CPLANE1: variants seen among roughly 807,000 people sequenced by gnomAD.
CPLANE1 encodes ciliogenesis and planar polarity effector 1.
In CPLANE1, 263 loss-of-function variants were observed where a neutral mutation model predicts 362.5. The observed-to-expected ratio is 0.73, with a 90% CI of 0.66 to 0.80. The LOEUF is 0.80. Ranked by LOEUF, CPLANE1 falls within the 30% of genes least tolerant of loss-of-function variation. The probability of loss-of-function intolerance (pLI) is 0.00; values close to 1 mark genes in which losing one functional copy is unlikely to be tolerated. For missense variants in CPLANE1, 3,461 were observed against 3,793.4 expected (o/e 0.91, Z 2.30); for synonymous variants, 1,212 against 1,302.6 (o/e 0.93, Z 1.50).
At chr5:37,230,836 T>C (rs905176734) in intron 9 of CPLANE1, 31 bp downstream of exon 9, 2 of 1,345,126 alleles carry the variant, frequency 1.5e-6, no homozygotes, top group Non-Finnish European at 1.9e-6. Flanking sequence ...AAAAAATCTA[T>C]AAACAAATTA....
At chr5:37,238,805 C>A in intron 8 of CPLANE1, 52 bp downstream of exon 8, 1 of 995,174 alleles carries the variant, frequency 1.0e-6, no homozygotes, top group African/African-American at 1.7e-5. Context: ...GACAGAGACC[C>A]ATCTCTTTTA....
At chr5:37,220,456 G>T (rs1403626673) in intron 15 of CPLANE1, among the ~76,000 whole-genome samples, 1 of 151,642 alleles carries the variant, frequency 6.6e-6, no homozygotes, top group Non-Finnish European at 1.5e-5. Flanking sequence ...CTTTCCCTCT[G>T]GTTATTGCCT....
Position 37,183,260 on chromosome 5 carries a change from G to A in CPLANE1, c.4921C>T (p.His1641Tyr). Residue 1641 changes from histidine (H) to tyrosine (Y), a missense_variant, in exon 26 of 53, where the codon CAT (histidine) becomes TAT (tyrosine). By Grantham distance (83) the His-to-Tyr change is moderately conservative (BLOSUM62 2). Transcript: ENST00000651892. Reference protein sequence around the residue: ...SSSLNDEYGMHLENQKLSSSV... With the variant: ...SSSLNDEYGMYLENQKLSSSV... ...GATGAAAGTTTCTGGTTTTCTAAAT[G>A]CATGCCATATTCATCATTTAAAGAG... 1 of 1,612,942 alleles carries A rather than the reference G, an allele frequency of 6.2e-7. No homozygotes were observed. Among genetic ancestry groups the A allele is most frequent in the Non-Finnish European group, 8.5e-7 (1 of 1,179,744 alleles).
intron 44 of CPLANE1, chr5:37,140,387 T>C (rs1769304887): frequency 3.0e-6 from 3 of 984,064 alleles, no homozygotes; most frequent in Non-Finnish European, 3.6e-6. Flanking sequence ...TCAAGGATTT[T>C]ATTTTCGTTC....
At chr5:37,122,365 C>T in intron 48 of CPLANE1, 65 bp downstream of exon 48, 1 of 1,202,754 alleles carries the variant, frequency 8.3e-7, no homozygotes, top group Non-Finnish European at 1.2e-6. Flanking sequence ...ATTCCTAAGG[C>T]ATTAATCTAT....
chr5:37,229,447 G>A (rs978117132), intron 9 of CPLANE1, among the ~76,000 whole-genome samples: 6 of 151,440 alleles, frequency 4.0e-5, no homozygotes, highest in African/African-American at 7.3e-5. Context: ...GCTGAGGCAG[G>A]AGAATGGCAT....
chr5:37,218,949 A>C (rs1177784456), intron 15 of CPLANE1, among the ~76,000 whole-genome samples: 1 of 143,410 alleles, frequency 7.0e-6, no homozygotes, highest in Non-Finnish European at 1.5e-5. Flanking sequence ...ACTCCATCTC[A>C]AAAAAAAAAA....
chr5:37,086,233 C>A, the CPLANE1 span, among the ~76,000 whole-genome samples: 2 of 152,174 alleles, frequency 1.3e-5, no homozygotes, highest in Non-Finnish European at 2.9e-5. Context: ...CATCCAACAA[C>A]CACAGAATAA....
intron 46 of CPLANE1, among the ~76,000 whole-genome samples, chr5:37,133,884 C>T (rs1366107231): frequency 6.6e-6 from 1 of 152,004 alleles, no homozygotes; most frequent in African/African-American, 2.4e-5. Context: ...AGCTTTTGCC[C>T]GTTCAGTAAG....
chr5:37,229,495 C>T (rs972662540), intron 9 of CPLANE1, among the ~76,000 whole-genome samples: 7 of 151,844 alleles, frequency 4.6e-5, no homozygotes, highest in Non-Finnish European at 8.8e-5. Flanking sequence ...GCCGAGATGG[C>T]GCCACCGCAC....
intron 6 of CPLANE1, among the ~76,000 whole-genome samples, chr5:37,240,427 A>C (rs1235472770): frequency 1.3e-5 from 2 of 152,190 alleles, no homozygotes; most frequent in Non-Finnish European, 2.9e-5. Flanking sequence ...GCATGGCATC[A>C]GCATCTCCTC....
rs1308685607 is a variant in CPLANE1 at position 37,140,717 on chromosome 5, A to C, written c.8633-1347T>G. The C allele has an allele frequency of 5.1e-6, 5 of 985,450 alleles. No individual in the cohort carries two copies. In the African/African-American group the frequency reaches 8.7e-5, roughly 17 times the overall value. The allele number at this position is 985,450 out of a possible 1,614,324, so 61.0% of individuals were successfully genotyped here. A position where few individuals can be genotyped will look rare whatever the true frequency, so the allele number is the denominator to read the frequency against. ...TGGTGACCTCTTGGGTTAAAGATTG[A>C]AGTGTTTGTCATCAAAGGTTGGTAA... On this transcript the variant is annotated intron_variant, in intron 44 of 52. Transcript: ENST00000651892.
intron 26 of CPLANE1, 21 bp from the exon 27 acceptor site, chr5:37,181,026 T>G (rs1782538190): frequency 6.3e-7 from 1 of 1,596,836 alleles, no homozygotes. Flanking sequence ...CCATTTAAAG[T>G]ATTTAGTATT....
intron 19 of CPLANE1, 104 bp from the exon 20 acceptor site, chr5:37,198,970 G>T: frequency 9.3e-7 from 1 of 1,071,052 alleles, no homozygotes; most frequent in Non-Finnish European, 1.3e-6. Flanking sequence ...AGTGGCTCAC[G>T]CCTGTAATCC....
At chr5:37,082,261 T>C in the CPLANE1 span, among the ~76,000 whole-genome samples, 1 of 152,080 alleles carries the variant, frequency 6.6e-6, no homozygotes, top group Non-Finnish European at 1.5e-5. Flanking sequence ...AAAAATACCA[T>C]TCAAAAATGG....
intron 27 of CPLANE1, 38 bp downstream of exon 27, chr5:37,180,817 ATG>A (rs1270452900): frequency 6.3e-7 from 1 of 1,588,416 alleles, no homozygotes; most frequent in African/African-American, 1.3e-5. Flanking sequence ...ATCAAACTAC[ATG>A]TCTTATATTG....
At chr5:37,077,293 A>T in the CPLANE1 span, among the ~76,000 whole-genome samples, 1 of 152,030 alleles carries the variant, frequency 6.6e-6, no homozygotes, top group Non-Finnish European at 1.5e-5. Context: ...CCTGTTCAAA[A>T]AGCTGGTATG....
intron 8 of CPLANE1, 143 bp downstream of exon 8, chr5:37,238,714 G>T: frequency 2.3e-6 from 1 of 437,792 alleles, no homozygotes; most frequent in Non-Finnish European, 4.2e-6. Flanking sequence ...GCCCAAGCTG[G>T]TCTCAAACTC....
chr5:37,139,617 T>C (rs747218165), intron 44 of CPLANE1: 215 of 652,750 alleles, frequency 3.3e-4, no homozygotes, highest in Non-Finnish European at 4.1e-4. Context: ...AGCGACATGG[T>C]CATGGCATAC....
Sources: gnomAD v4.1 joint callset for allele counts (sites outside exome capture counted in the v4.1 genomes callset) on GRCh38, gnomAD v4.1.1 for gene constraint, MANE v1.5 for transcripts, NCBI Gene and HGNC (gene_info 2026-07-23, HGNC 2026-07-21) for gene names.